The following LRMDA variants were observed in gnomAD, a reference collection of about 807,000 sequenced individuals.
LRMDA encodes leucine rich melanocyte differentiation associated.
LRMDA carries 18 observed loss-of-function variants against 29.8 expected under a neutral mutation model. The ratio of observed to expected loss-of-function variants is 0.60; its 90% CI spans 0.42 to 0.90. LRMDA has a LOEUF of 0.90. LRMDA is among the 40% of genes least tolerant of loss of function. The pLI, the probability that LRMDA is intolerant of heterozygous loss-of-function variation, is 0.00. For synonymous variants in LRMDA, 125 were observed against 109.4 expected, an observed-to-expected ratio of 1.14 and a Z score of -0.89; for missense variants, 273 against 273.9, an observed-to-expected ratio of 1.00 and a Z score of 0.02.
chr10:76,198,711 C>T (rs1279972365), intron 5 of LRMDA, among the ~76,000 whole-genome samples: 3 of 152,202 alleles, frequency 2.0e-5, no homozygotes, highest in Admixed American at 2.0e-4. Flanking sequence ...AATGAACTAT[C>T]CAGTTGTGAG....
chr10:76,368,195 G>T (rs934324278), intron 6 of LRMDA, among the ~76,000 whole-genome samples: 1 of 152,092 alleles, frequency 6.6e-6, no homozygotes, highest in East Asian at 1.9e-4. Flanking sequence ...ACTGTAAATT[G>T]TTCTTCTGTG....
rs74367423 is a variant in LRMDA at position 76,155,523 on chromosome 10, T to C, written c.516+96740T>C. Reference sequence around the variant, plus strand: ...TAGACAATATTAGCATTTTTCAATATATGATTTTCATTTCCTTTCTGAGCT... The same window carrying C: ...TAGACAATATTAGCATTTTTCAATACATGATTTTCATTTCCTTTCTGAGCT... On this transcript the variant is annotated intron_variant, in intron 5 of 6. Coordinates refer to ENST00000611255, the MANE Select transcript of LRMDA (RefSeq NM_001305581.2). Among the ~76,000 whole-genome samples the C allele has an allele frequency of 2.4e-3, 372 of 152,294 alleles. 5 individuals are homozygous for C. The East Asian group carries it at 0.028, about 11-fold the overall frequency.
intron 2 of LRMDA, among the ~76,000 whole-genome samples, chr10:75,584,409 T>G (rs1248764116): frequency 6.6e-6 from 1 of 152,192 alleles, no homozygotes; most frequent in East Asian, 1.9e-4. Flanking sequence ...TTTTTGTGTC[T>G]TTTTCCCCAT....
chr10:75,600,246 CT>C (rs1280356462), intron 2 of LRMDA, among the ~76,000 whole-genome samples: 1 of 152,152 alleles, frequency 6.6e-6, no homozygotes, highest in Non-Finnish European at 1.5e-5. Context: ...CATTCTTTGT[CT>C]TAACATCCAA....
chr10:75,471,593 A>G lies in LRMDA; in HGVS notation c.131+33099A>G, dbSNP rs548861202. 3.9e-5 allele frequency among the ~76,000 whole-genome samples: 6 copies of G among 152,342 alleles called. No homozygotes were observed. In the South Asian group the frequency reaches 1.2e-3, roughly 32 times the overall value. On this transcript the variant is annotated intron_variant, in intron 2 of 6. Coordinates refer to ENST00000611255, the MANE Select transcript of LRMDA (RefSeq NM_001305581.2). ...CAAACCAATCCCTTGATAATGCTAC[A>G]TACGTTGTTTTGAGTTCTGTTGTTT...
chr10:75,699,094 G>T (rs1842274337), intron 2 of LRMDA, among the ~76,000 whole-genome samples: 1 of 151,884 alleles, frequency 6.6e-6, no homozygotes, highest in African/African-American at 2.4e-5. Context: ...CCAGCTACTC[G>T]GGAGGTGGAG....
chr10:76,349,481 A>G (rs534368494), intron 6 of LRMDA, among the ~76,000 whole-genome samples: 23 of 152,170 alleles, frequency 1.5e-4, no homozygotes, highest in African/African-American at 4.6e-4. Flanking sequence ...TATATTATAT[A>G]TATTTACCTA....
chr10:75,728,448 G>A (rs1376635188), intron 2 of LRMDA, among the ~76,000 whole-genome samples: 2 of 151,456 alleles, frequency 1.3e-5, no homozygotes, highest in African/African-American at 4.9e-5. Flanking sequence ...GTGTGTGTGT[G>A]TGTGTGTGTG....
chr10:75,764,995 A>G (rs79762393), intron 2 of LRMDA, among the ~76,000 whole-genome samples: 1 of 151,836 alleles, frequency 6.6e-6, no homozygotes, highest in East Asian at 1.9e-4. Context: ...CTCTTCAAGC[A>G]CATGATCTTT....
chr10:75,468,385 G>A (rs1176890165), intron 2 of LRMDA, among the ~76,000 whole-genome samples: 1 of 152,054 alleles, frequency 6.6e-6, no homozygotes, highest in African/African-American at 2.4e-5. Context: ...TTATTGTGTG[G>A]TCATTGCATG....
intron 5 of LRMDA, among the ~76,000 whole-genome samples, chr10:76,157,203 C>G (rs1850553870): frequency 6.6e-6 from 1 of 152,106 alleles, no homozygotes; most frequent in Non-Finnish European, 1.5e-5. Flanking sequence ...CAAAGATGAT[C>G]CAGTTTCCAC....
At chr10:75,752,481 A>G (rs1037062580) in intron 2 of LRMDA, among the ~76,000 whole-genome samples, 1 of 152,206 alleles carries the variant, frequency 6.6e-6, no homozygotes, top group Non-Finnish European at 1.5e-5. Flanking sequence ...AAGTGCTGGG[A>G]TTACAGGTGT....
chr10:75,702,163 C>T (rs118115342), intron 2 of LRMDA, among the ~76,000 whole-genome samples: 2 of 152,258 alleles, frequency 1.3e-5, no homozygotes, highest in East Asian at 1.9e-4. Context: ...GCTTTCCTTG[C>T]GATGTGCTCC....
At chr10:76,096,957 A>T (rs1849320683) in intron 5 of LRMDA, among the ~76,000 whole-genome samples, 1 of 151,666 alleles carries the variant, frequency 6.6e-6, no homozygotes, top group Admixed American at 6.6e-5. Context: ...TTGTAAATTG[A>T]GATTTTTTTT....
intron 2 of LRMDA, among the ~76,000 whole-genome samples, chr10:75,757,822 T>C (rs539283684): frequency 1.3e-5 from 2 of 149,612 alleles, no homozygotes; most frequent in East Asian, 3.9e-4. Context: ...TTTGTTAAGA[T>C]GGAGTCGCAC....
chr10:75,531,004 A>T (rs949104134), intron 2 of LRMDA, among the ~76,000 whole-genome samples: 1 of 152,174 alleles, frequency 6.6e-6, no homozygotes, highest in Non-Finnish European at 1.5e-5. Flanking sequence ...GCTGTGTTAT[A>T]TATCATCTGT....
At chr10:75,717,920 A>C (rs975706048) in intron 2 of LRMDA, among the ~76,000 whole-genome samples, 2 of 152,096 alleles carry the variant, frequency 1.3e-5, no homozygotes, top group African/African-American at 4.8e-5. Flanking sequence ...ACATAACATT[A>C]ATTATGATTA....
intron 2 of LRMDA, among the ~76,000 whole-genome samples, chr10:75,963,614 C>T (rs911260571): frequency 7.2e-5 from 11 of 152,170 alleles, no homozygotes; most frequent in Admixed American, 2.6e-4. Context: ...GTTCCAACCT[C>T]CACTTGTTGA....
intron 2 of LRMDA, among the ~76,000 whole-genome samples, chr10:75,508,505 T>G (rs911470237): frequency 3.3e-5 from 5 of 152,226 alleles, no homozygotes; most frequent in African/African-American, 1.2e-4. Flanking sequence ...TGGGATCTGC[T>G]TTTTAATCCT....
Sources: allele counts gnomAD v4.1 joint callset (sites outside exome capture counted in the v4.1 genomes callset), GRCh38; gene constraint gnomAD v4.1.1; transcripts MANE v1.5; gene names NCBI Gene and HGNC (gene_info 2026-07-23, HGNC 2026-07-21).